The following NSMCE2 variants were observed in gnomAD, a reference collection of about 807,000 sequenced individuals.
NSMCE2 encodes the protein E3 SUMO-protein ligase NSE2.
NSMCE2 carries 24 observed loss-of-function variants against 23.8 expected under a neutral mutation model. The observed-to-expected ratio is 1.01, with a 90% CI of 0.73 to 1.42. The LOEUF (loss-of-function observed/expected upper bound fraction) is 1.42. Among genes scored for constraint, NSMCE2 ranks in the 40% most tolerant of loss-of-function variants. The pLI, the probability that NSMCE2 is intolerant of heterozygous loss-of-function variation, is 0.00. For synonymous variants in NSMCE2, 92 were observed against 94.1 expected (o/e 0.98, Z 0.13); for missense variants, 284 against 296.5 (o/e 0.96, Z 0.31).
intron 5 of NSMCE2, 84 bp downstream of exon 5, chr8:125,182,340 A>C (rs977369378): frequency 1.0e-4 from 105 of 1,053,332 alleles, no homozygotes; most frequent in Non-Finnish European, 1.4e-4. Context: ...CTGATTTTAT[A>C]AAGTTTGCTT....
intron 1 of NSMCE2, among the ~76,000 whole-genome samples, chr8:125,092,176 T>C (rs1326822814): frequency 1.3e-5 from 2 of 152,198 alleles, no homozygotes; most frequent in African/African-American, 4.8e-5. Context: ...AGATTACGAA[T>C]TTTTGATCCA....
At chr8:125,113,329 A>G (rs1818855688) in intron 3 of NSMCE2, among the ~76,000 whole-genome samples, 1 of 152,154 alleles carries the variant, frequency 6.6e-6, no homozygotes, top group Non-Finnish European at 1.5e-5. Flanking sequence ...CTCTACAAAC[A>G]TTTTTAAAAT....
At chr8:125,161,197 A>C (rs1821603969) in intron 4 of NSMCE2, among the ~76,000 whole-genome samples, 1 of 152,136 alleles carries the variant, frequency 6.6e-6, no homozygotes, top group Non-Finnish European at 1.5e-5. Context: ...TCACAGCATC[A>C]AGTTTCTGGT....
intron 5 of NSMCE2, among the ~76,000 whole-genome samples, chr8:125,297,806 G>T (rs1014207323): frequency 1.3e-4 from 19 of 151,898 alleles, no homozygotes; most frequent in African/African-American, 4.6e-4. Flanking sequence ...CTGCACTCCA[G>T]CCCATCAACA....
At chr8:125,264,094 G>C (rs907929292) in intron 5 of NSMCE2, among the ~76,000 whole-genome samples, 21 of 152,128 alleles carry the variant, frequency 1.4e-4, no homozygotes, top group Non-Finnish European at 2.4e-4. Flanking sequence ...AACGAACATA[G>C]AGACAAGTGT....
intron 5 of NSMCE2, among the ~76,000 whole-genome samples, chr8:125,237,490 C>G (rs1825607550): frequency 6.6e-6 from 1 of 152,218 alleles, no homozygotes; most frequent in Non-Finnish European, 1.5e-5. Context: ...TGTCTAACCC[C>G]TGTGGCACTG....
chr8:125,256,996 TGTAGAAGTTA>T (rs1826460228), intron 5 of NSMCE2, among the ~76,000 whole-genome samples: 1 of 128,122 alleles, frequency 7.8e-6, no homozygotes, highest in Non-Finnish European at 1.6e-5. Flanking sequence ...CACCCTGACA[TGTAGAAGTTA>T]GTTAAAGGAG....
intron 5 of NSMCE2, among the ~76,000 whole-genome samples, chr8:125,197,974 A>C (rs187734307): frequency 9.2e-5 from 14 of 152,108 alleles, no homozygotes; most frequent in Admixed American, 8.5e-4. Context: ...GAGTTCACTC[A>C]TGATTTGGGT....
chr8:125,244,448 A>C (rs942816073), intron 5 of NSMCE2, among the ~76,000 whole-genome samples: 2 of 152,214 alleles, frequency 1.3e-5, no homozygotes, highest in Non-Finnish European at 2.9e-5. Flanking sequence ...GCATAAAAAA[A>C]CAAAATGTAG....
chr8:125,245,821 T>C (rs1380828627), intron 5 of NSMCE2, among the ~76,000 whole-genome samples: 1 of 151,916 alleles, frequency 6.6e-6, no homozygotes, highest in African/African-American at 2.4e-5. Context: ...TCACCAGAGG[T>C]CAGGAATCAG....
chr8:125,184,064 A>G (rs962289177), intron 5 of NSMCE2, among the ~76,000 whole-genome samples: 6 of 152,122 alleles, frequency 3.9e-5, no homozygotes, highest in African/African-American at 9.7e-5. Flanking sequence ...GTGTTGGTCT[A>G]AGTAGCCAAA....
intron 5 of NSMCE2, among the ~76,000 whole-genome samples, chr8:125,283,939 G>A (rs1474622371): frequency 6.6e-6 from 1 of 152,126 alleles, no homozygotes; most frequent in Non-Finnish European, 1.5e-5. Flanking sequence ...AGATCACAAG[G>A]TCAGGAGATG....
At chr8:125,093,716 C>G (rs1817792098) in intron 1 of NSMCE2, among the ~76,000 whole-genome samples, 1 of 151,910 alleles carries the variant, frequency 6.6e-6, no homozygotes, top group East Asian at 1.9e-4. Flanking sequence ...GAGCGAAACT[C>G]TGTCTCAAAA....
intron 5 of NSMCE2, among the ~76,000 whole-genome samples, chr8:125,235,040 G>A (rs1423708328): frequency 6.6e-6 from 1 of 152,100 alleles, no homozygotes; most frequent in Non-Finnish European, 1.5e-5. Context: ...GAGGCCAGGA[G>A]TTCGAGACCA....
intron 5 of NSMCE2, among the ~76,000 whole-genome samples, chr8:125,323,434 G>C (rs1829531296): frequency 1.3e-5 from 2 of 152,218 alleles, no homozygotes; most frequent in Non-Finnish European, 2.9e-5. Context: ...GGGTAGTGTA[G>C]TAAGATGGAC....
chr8:125,121,577 C>A (rs1300343883), intron 3 of NSMCE2, among the ~76,000 whole-genome samples: 4 of 152,186 alleles, frequency 2.6e-5, no homozygotes, highest in African/African-American at 9.7e-5. Flanking sequence ...GACCATGAAT[C>A]TGTATGTCTC....
chr8:125,239,673 T>C (rs1221006139), intron 5 of NSMCE2, among the ~76,000 whole-genome samples: 1 of 150,336 alleles, frequency 6.7e-6, no homozygotes, highest in Non-Finnish European at 1.5e-5. Flanking sequence ...ATACAAAAAA[T>C]TACAAATTTA....
At chr8:125,344,623 A>T (rs1254454462) in intron 5 of NSMCE2, among the ~76,000 whole-genome samples, 1 of 151,794 alleles carries the variant, frequency 6.6e-6, no homozygotes, top group African/African-American at 2.4e-5. Flanking sequence ...TGCACCTGTA[A>T]TCCCAGCTAC....
intron 5 of NSMCE2, among the ~76,000 whole-genome samples, chr8:125,237,572 C>G (rs1825612510): frequency 6.6e-6 from 1 of 152,216 alleles, no homozygotes; most frequent in Admixed American, 6.5e-5. Context: ...ACTGCCTTTT[C>G]AAGGAGATAA....
Sources: gnomAD v4.1 joint callset for allele counts (sites outside exome capture counted in the v4.1 genomes callset) on GRCh38, gnomAD v4.1.1 for gene constraint, MANE v1.5 for transcripts, NCBI Gene and HGNC (gene_info 2026-07-23, HGNC 2026-07-21) for gene names.